Variants in IGF2BP3 observed in about 807,000 individuals in gnomAD.
IGF2BP3 encodes insulin like growth factor 2 mRNA binding protein 3.
Under a neutral mutation model 73.8 loss-of-function variants are expected in IGF2BP3, and 9 were observed. That is an observed-to-expected ratio of 0.12 (90% CI 0.07 to 0.21). The LOEUF (loss-of-function observed/expected upper bound fraction) is 0.21, where lower values mean the gene tolerates loss of function less well. Ranked by LOEUF, IGF2BP3 falls within the 10% of genes least tolerant of loss-of-function variation. The probability of loss-of-function intolerance (pLI) is 1.00; values close to 1 mark genes in which losing one functional copy is unlikely to be tolerated. For missense variants in IGF2BP3, 542 were observed against 714.0 expected (o/e 0.76, Z 2.75); for synonymous variants, 258 against 256.7 (o/e 1.01, Z -0.05).
chr7:23,401,318 T>C (rs1375417034), intron 3 of IGF2BP3, among the ~76,000 whole-genome samples: 1 of 152,084 alleles, frequency 6.6e-6, no homozygotes, highest in Non-Finnish European at 1.5e-5. Context: ...ACCATCAACA[T>C]CATGGCTGCC....
chr7:23,405,316 T>C (rs980196311), intron 3 of IGF2BP3, among the ~76,000 whole-genome samples: 2 of 152,310 alleles, frequency 1.3e-5, no homozygotes, highest in South Asian at 2.1e-4. Flanking sequence ...TTAAAAAATC[T>C]AGACAGAAAG....
rs571546621 is a variant in IGF2BP3 at position 23,468,114 on chromosome 7, T to C, written c.236+368A>G. ...CAGCTGCTTTCGCCTCTCCTGCTCCTGGAGGGGTGGGGGAATCATCCGCTG... is the reference window on the plus strand; with the variant it reads ...CAGCTGCTTTCGCCTCTCCTGCTCCCGGAGGGGTGGGGGAATCATCCGCTG... On this transcript the variant is annotated intron_variant, in intron 2 of 14. Transcript: ENST00000258729. Among the ~76,000 whole-genome samples the C allele has an allele frequency of 6.6e-5, 10 of 152,316 alleles. No homozygotes were observed. In the South Asian group the frequency reaches 2.1e-3, roughly 32 times the overall value.
At chr7:23,438,670 G>A (rs930724253) in intron 2 of IGF2BP3, among the ~76,000 whole-genome samples, 27 of 152,110 alleles carry the variant, frequency 1.8e-4, no homozygotes, top group Middle Eastern at 3.4e-3. Context: ...GACCCCACAC[G>A]CTTATAATGG....
At chr7:23,464,487 C>T (rs1396269613) in intron 2 of IGF2BP3, among the ~76,000 whole-genome samples, 1 of 151,848 alleles carries the variant, frequency 6.6e-6, no homozygotes, top group Non-Finnish European at 1.5e-5. Flanking sequence ...CAAAAAACAA[C>T]GTTTGAGCTT....
intron 12 of IGF2BP3, among the ~76,000 whole-genome samples, chr7:23,315,023 G>C (rs1783945184): frequency 6.6e-6 from 1 of 152,126 alleles, no homozygotes; most frequent in Non-Finnish European, 1.5e-5. Flanking sequence ...GGCTGGTCTT[G>C]AACTCCTGAC....
intron 10 of IGF2BP3, among the ~76,000 whole-genome samples, chr7:23,338,681 A>C (rs558505726): frequency 6.6e-6 from 1 of 152,330 alleles, no homozygotes; most frequent in East Asian, 1.9e-4. Flanking sequence ...GGGAGCTTTC[A>C]AAATTGATAC....
intron 10 of IGF2BP3, among the ~76,000 whole-genome samples, chr7:23,334,524 C>T (rs749539135): frequency 1.3e-5 from 2 of 152,198 alleles, no homozygotes; most frequent in South Asian, 2.1e-4. Context: ...GGCCCATTAG[C>T]GTTACCCAGT....
At chr7:23,370,350 T>C (rs1379807994) in intron 3 of IGF2BP3, among the ~76,000 whole-genome samples, 2 of 152,224 alleles carry the variant, frequency 1.3e-5, no homozygotes, top group Non-Finnish European at 2.9e-5. Context: ...TGGCAGGTAA[T>C]TTATCATACA....
At chr7:23,327,503 G>A (rs556812219) in intron 10 of IGF2BP3, among the ~76,000 whole-genome samples, 4 of 151,924 alleles carry the variant, frequency 2.6e-5, no homozygotes, top group Admixed American at 1.3e-4. Context: ...GGATGGTCTC[G>A]ATCTCCTGAC....
chr7:23,384,975 T>C (rs1425429392), intron 3 of IGF2BP3, among the ~76,000 whole-genome samples: 1 of 152,208 alleles, frequency 6.6e-6, no homozygotes, highest in Non-Finnish European at 1.5e-5. Flanking sequence ...TTTCAACTTA[T>C]AATGGGATTA....
rs1280310303 is a variant in IGF2BP3 at position 23,415,467 on chromosome 7, C to A, written c.285+3309G>T. ...CATCCGCAGGTCCCCCTCCGTCAGT[C>A]GGCATCACCGCATCCGCAGGTCCCC... On this transcript the variant is annotated intron_variant, in intron 3 of 14. Transcript: ENST00000258729. The A allele has an allele frequency of 1.5e-5, 3 of 198,310 alleles. No homozygotes were observed. In the South Asian group the frequency reaches 1.8e-4, roughly 12 times the overall value. 12.3% of individuals were successfully genotyped at this position (198,310 alleles called of 1,614,324 possible).
chr7:23,406,922 T>C (rs1488224572), intron 3 of IGF2BP3, among the ~76,000 whole-genome samples: 1 of 152,146 alleles, frequency 6.6e-6, no homozygotes, highest in Admixed American at 6.5e-5. Context: ...AGTCCCCACC[T>C]GACCCAGAAG....
chr7:23,406,363 T>C (rs114895089), intron 3 of IGF2BP3, among the ~76,000 whole-genome samples: 2,387 of 152,176 alleles, frequency 0.016, 77 homozygotes, highest in African/African-American at 0.055. Flanking sequence ...GTGTCCGGAA[T>C]TGGTTTCTTC....
chr7:23,459,967 G>A (rs912554192), intron 2 of IGF2BP3, among the ~76,000 whole-genome samples: 4 of 151,960 alleles, frequency 2.6e-5, no homozygotes, highest in South Asian at 2.1e-4. Flanking sequence ...AGTAGTTCAC[G>A]TCTGTAATCC....
At chr7:23,317,405 A>C (rs1470313052) in intron 12 of IGF2BP3, among the ~76,000 whole-genome samples, 2 of 152,228 alleles carry the variant, frequency 1.3e-5, no homozygotes, top group Admixed American at 6.5e-5. Flanking sequence ...CAAACCATTA[A>C]GCAAAATTAA....
intron 2 of IGF2BP3, chr7:23,450,561 G>A (rs897759190): frequency 2.7e-4 from 41 of 152,252 alleles, no homozygotes; most frequent in African/African-American, 9.1e-4. Flanking sequence ...CCGAGTATAA[G>A]ACAATCAATG....
chr7:23,438,611 T>C (rs540920600), intron 2 of IGF2BP3, among the ~76,000 whole-genome samples: 5 of 152,330 alleles, frequency 3.3e-5, no homozygotes, highest in Non-Finnish European at 5.9e-5. Context: ...AGACCGACTC[T>C]ATTTTTAAAA....
chr7:23,325,452 G>C, intron 10 of IGF2BP3, among the ~76,000 whole-genome samples: 1 of 152,144 alleles, frequency 6.6e-6, no homozygotes, highest in East Asian at 1.9e-4. Context: ...AACATTCCAT[G>C]CTCATGGGTA....
At chr7:23,466,450 C>T (rs1355282479) in intron 2 of IGF2BP3, among the ~76,000 whole-genome samples, 1 of 152,198 alleles carries the variant, frequency 6.6e-6, no homozygotes, top group Non-Finnish European at 1.5e-5. Flanking sequence ...ATTTAAAATC[C>T]TGAGCATTTT....
Sources: gnomAD v4.1 joint callset for allele counts (sites outside exome capture counted in the v4.1 genomes callset) on GRCh38, gnomAD v4.1.1 for gene constraint, MANE v1.5 for transcripts, NCBI Gene and HGNC (gene_info 2026-07-23, HGNC 2026-07-21) for gene names.